The following CPED1 variants were observed in gnomAD, a reference collection of about 807,000 sequenced individuals.
CPED1 encodes the protein cadherin-like and PC-esterase domain-containing protein 1.
In CPED1, 114 loss-of-function variants were observed where a neutral mutation model predicts 128.2. The observed-to-expected ratio is 0.89, with a 90% confidence interval of 0.76 to 1.04. The LOEUF is 1.04. CPED1 is among the 50% of genes least tolerant of loss of function. CPED1 has a pLI of 0.00. For synonymous variants in CPED1, 462 were observed against 426.7 expected (o/e 1.08, Z -1.02); for missense variants, 1,211 against 1,207.1 (o/e 1.00, Z -0.05).
intron 11 of CPED1, among the ~76,000 whole-genome samples, chr7:121,128,947 T>C (rs1478726080): frequency 6.6e-6 from 1 of 152,062 alleles, no homozygotes; most frequent in Non-Finnish European, 1.5e-5. Flanking sequence ...TATAACTCTA[T>C]ATCAAACTTC....
intron 4 of CPED1, among the ~76,000 whole-genome samples, chr7:121,057,879 AAAGAGCACT>A (rs1793541616): frequency 6.6e-6 from 1 of 152,210 alleles, no homozygotes; most frequent in African/African-American, 2.4e-5. Flanking sequence ...GATAGATGGT[AAAGAGCACT>A]AAGGAGAAAA....
chr7:121,065,389 GA>G (rs1793805403), intron 5 of CPED1, among the ~76,000 whole-genome samples: 2 of 151,860 alleles, frequency 1.3e-5, no homozygotes, highest in South Asian at 4.2e-4. Flanking sequence ...TTCATCATAT[GA>G]AAAAAGTAAT....
rs192157676 is a variant in CPED1, at chr7:121,281,837, T to A, written c.2868+10407T>A. ...GCTGTGAGAAAAACCATTTTTCTTA[T>A]AAGACTTATGGAACAATGCTGATCA... is the stretch of plus-strand genomic sequence containing the variant. On this transcript the variant is annotated intron_variant, in intron 22 of 22. Coordinates refer to ENST00000310396, the MANE Select transcript of CPED1 (RefSeq NM_024913.5). Among the ~76,000 whole-genome samples, 235 of 152,286 alleles carry A rather than the reference T, an allele frequency of 1.5e-3. 2 individuals carry two copies. The highest frequency in any genetic ancestry group is 5.6e-3 in the African/African-American group (233 of 41,576).
At position 121,295,459 on chromosome 7, in the gene CPED1, C is replaced by T. The variant is rs1792803161; in HGVS notation, c.2888C>T (p.Ser963Phe). 6.2e-7 allele frequency: 1 copy of T among 1,611,794 alleles called. No homozygotes were observed. The change falls in exon 23 of 23, where the codon TCC becomes TTC. Residue 963 changes from serine to phenylalanine, a missense_variant. By Grantham distance (155) the Ser-to-Phe change is radical. Transcript: ENST00000310396. Reference sequence around the variant, plus strand: ...TTACAGGTAGTGAAATCAAAGTTATCCAAAGAATATAACTTTATTAAAATG... The same window carrying T: ...TTACAGGTAGTGAAATCAAAGTTATTCAAAGAATATAACTTTATTAAAATG... Reference protein sequence around the residue: ...HFHEVVKSKLSKEYNFIKMKR... With the variant: ...HFHEVVKSKLFKEYNFIKMKR...
At chr7:121,278,092 T>C (rs1440714318) in intron 22 of CPED1, among the ~76,000 whole-genome samples, 1 of 152,088 alleles carries the variant, frequency 6.6e-6, no homozygotes, top group Non-Finnish European at 1.5e-5. Context: ...AGAATTAGAC[T>C]AGAATAGTTG....
chr7:121,248,012 CTGAT>C (rs1798576783), intron 18 of CPED1, among the ~76,000 whole-genome samples: 1 of 152,172 alleles, frequency 6.6e-6, no homozygotes, highest in Admixed American at 6.5e-5. Flanking sequence ...TTTGCTCCAC[CTGAT>C]TATGTTCCTG....
At chr7:121,125,952 G>GTGT (rs778607187) in intron 9 of CPED1, 60 bp downstream of exon 9, 24 of 1,199,076 alleles carry the variant, frequency 2.0e-5, no homozygotes, top group Non-Finnish European at 1.8e-5. Flanking sequence ...CAGTGTGTGT[G>GTGT]TGTTGTTGTT....
intron 3 of CPED1, among the ~76,000 whole-genome samples, chr7:121,025,324 C>A (rs1490854701): frequency 2.0e-5 from 3 of 151,958 alleles, no homozygotes; most frequent in Non-Finnish European, 4.4e-5. Flanking sequence ...TAAAATTGTG[C>A]CTTCACAATT....
At chr7:121,190,423 A>T (rs1797109768) in intron 16 of CPED1, among the ~76,000 whole-genome samples, 5 of 145,348 alleles carry the variant, frequency 3.4e-5, no homozygotes, top group South Asian at 2.2e-4. Context: ...ACTAGATTTT[A>T]TTGGACAGGG....
chr7:121,046,618 ATG>A, intron 3 of CPED1, among the ~76,000 whole-genome samples: 1 of 152,034 alleles, frequency 6.6e-6, no homozygotes, highest in Non-Finnish European at 1.5e-5. Flanking sequence ...GAATTTTATA[ATG>A]TCTTTTAAAT....
intron 2 of CPED1, among the ~76,000 whole-genome samples, chr7:121,011,326 T>C (rs888335725): frequency 6.6e-6 from 1 of 152,204 alleles, no homozygotes; most frequent in Non-Finnish European, 1.5e-5. Context: ...AGAAATATAG[T>C]ACTTTTATAA....
intron 16 of CPED1, among the ~76,000 whole-genome samples, chr7:121,184,501 C>T (rs986597096): frequency 1.3e-5 from 2 of 152,150 alleles, no homozygotes; most frequent in African/African-American, 4.8e-5. Flanking sequence ...TCTTGCTAAA[C>T]TTTAGAAGGA....
In CPED1 at chr7:121,296,477, A is replaced by G. The variant is rs1396649539; in HGVS notation, c.*825A>G. On this transcript the variant is annotated 3_prime_UTR_variant, in exon 23 of 23. Transcript: ENST00000310396. ...ATATTACTTAAATCTTGTGTTTGCC[A>G]TTACAGCCCTATGTAACTTAAAATT... is the stretch of plus-strand genomic sequence containing the variant. 1 of 152,136 alleles carries G rather than the reference A, an allele frequency of 6.6e-6. No individual in the cohort carries two copies. Among genetic ancestry groups the G allele is most frequent in the African/African-American group, 2.4e-5 (1 of 41,450 alleles). The allele number at this position is 152,136 out of a possible 1,614,324, so 9.4% of individuals were successfully genotyped here. A position where few individuals can be genotyped will look rare whatever the true frequency, so the allele number is the denominator to read the frequency against.
intron 3 of CPED1, among the ~76,000 whole-genome samples, chr7:121,040,833 A>T (rs979905399): frequency 2.0e-5 from 3 of 152,060 alleles, no homozygotes; most frequent in African/African-American, 7.2e-5. Flanking sequence ...TGATAGTTTA[A>T]TATCGTGAAT....
At chr7:121,210,989 G>C (rs1211207523) in intron 16 of CPED1, among the ~76,000 whole-genome samples, 1 of 108,754 alleles carries the variant, frequency 9.2e-6, no homozygotes, top group Non-Finnish European at 2.1e-5. Context: ...ACATAATAAA[G>C]AAAAAGTTAG....
In CPED1 at chr7:121,271,326, G is replaced by T. The variant is rs780487019; in HGVS notation, c.2764G>T (p.Asp922Tyr). ...ATGGAAAGAAAATTTGATTATTCTG[G>T]ATACTGCAAAAAAACATGGCTATGA... ...NLWKENLIIL[D>Y]TAKKHGYEVV... Residue 922 changes from aspartate (D) to tyrosine (Y), a missense_variant, in exon 22 of 23, where the codon GAT becomes TAT. Transcript: ENST00000310396. 6.2e-7 allele frequency: 1 copy of T among 1,612,358 alleles called. No individual in the cohort carries two copies. The highest frequency in any genetic ancestry group is 8.5e-7 in the Non-Finnish European group (1 of 1,178,874).
chr7:121,070,153 T>C (rs1036410935), intron 5 of CPED1, among the ~76,000 whole-genome samples: 6 of 149,988 alleles, frequency 4.0e-5, no homozygotes, highest in African/African-American at 1.5e-4. Flanking sequence ...TACTACCAAA[T>C]ATAAAATATA....
intron 4 of CPED1, chr7:121,051,058 A>G (rs946125349): frequency 1.9e-6 from 1 of 533,214 alleles, no homozygotes; most frequent in African/African-American, 1.9e-5. Flanking sequence ...AAATGTGCAA[A>G]CAAAAGGGAA....
chr7:121,246,353 A>G (rs1316740587), intron 18 of CPED1, among the ~76,000 whole-genome samples: 1 of 152,222 alleles, frequency 6.6e-6, no homozygotes, highest in African/African-American at 2.4e-5. Flanking sequence ...TCGAGCTGCT[A>G]TAATAACATA....
Sources: allele counts gnomAD v4.1 joint callset (sites outside exome capture counted in the v4.1 genomes callset), GRCh38; gene constraint gnomAD v4.1.1; transcripts MANE v1.5; gene names NCBI Gene and HGNC (gene_info 2026-07-23, HGNC 2026-07-21).